CFAP58: variants seen among roughly 807,000 people sequenced by gnomAD.
The protein encoded by CFAP58 is cilia and flagella associated protein 58.
Under a neutral mutation model 119.5 loss-of-function variants are expected in CFAP58, and 88 were observed. The observed-to-expected ratio is 0.74, with a 90% CI of 0.62 to 0.88. The LOEUF is 0.88. Among genes scored for constraint, CFAP58 ranks in the 40% least tolerant of loss-of-function variants. The probability of loss-of-function intolerance (pLI) is 0.00; values close to 1 mark genes in which losing one functional copy is unlikely to be tolerated. For missense variants in CFAP58, 990 were observed against 1,021.2 expected (o/e 0.97, Z 0.42); for synonymous variants, 365 against 366.3 (o/e 1.00, Z 0.04).
intron 11 of CFAP58, among the ~76,000 whole-genome samples, chr10:104,398,478 CACAA>C (rs1318440776): frequency 6.6e-6 from 1 of 152,154 alleles, no homozygotes. Flanking sequence ...TATGGTAGGT[CACAA>C]ACAAACTTGT....
intron 13 of CFAP58, among the ~76,000 whole-genome samples, chr10:104,402,751 G>A (rs2133045507): frequency 6.6e-6 from 1 of 152,268 alleles, no homozygotes; most frequent in African/African-American, 2.4e-5. Context: ...TTCTAACTTG[G>A]ATTTCTCAAT....
At chr10:104,449,344 T>C (rs2013158791) in intron 16 of CFAP58, among the ~76,000 whole-genome samples, 1 of 152,186 alleles carries the variant, frequency 6.6e-6, no homozygotes, top group African/African-American at 2.4e-5. Flanking sequence ...ATCCAGCCTA[T>C]TGCATGCCTG....
chr10:104,392,781 A>G (rs548448322), intron 10 of CFAP58, among the ~76,000 whole-genome samples: 1 of 152,024 alleles, frequency 6.6e-6, no homozygotes, highest in Non-Finnish European at 1.5e-5. Flanking sequence ...CTGGGATTAC[A>G]GGCGCATGCC....
At position 104,400,841 on chromosome 10, in the gene CFAP58, C is replaced by G. The variant is rs1471232357; in HGVS notation, c.1977C>G (p.Ile659Met). The G allele has an allele frequency of 3.1e-6, 5 of 1,614,000 alleles. No homozygotes were observed. Among genetic ancestry groups the G allele is most frequent in the Non-Finnish European group, 4.2e-6 (5 of 1,180,036 alleles). ...ACATGAGAATCCTCAGACTTGAGATCAAGAAGCTTCGCCGGGAAAAGGGGA... is the reference window on the plus strand; with the variant it reads ...ACATGAGAATCCTCAGACTTGAGATGAAGAAGCTTCGCCGGGAAAAGGGGA... ...LEDMRILRLE[I>M]KKLRREKGIL... The change falls in exon 13 of 18, where the codon ATC becomes ATG. Residue 659 changes from isoleucine (I) to methionine (M), a missense_variant. Physicochemically the swap from Ile to Met is conservative, Grantham distance 10 (BLOSUM62 1). Coordinates refer to ENST00000369704, the MANE Select transcript of CFAP58 (RefSeq NM_001008723.2).
rs776037768 is a variant in CFAP58, at chr10:104,368,495, G to A, written c.865G>A (p.Glu289Lys). ...AAATGCTAAACTTCAGCAAGAGAAT[G>A]AACAGCACAGTTTGGTCTGTGAGCA... is the stretch of plus-strand genomic sequence containing the variant. Reference protein sequence around the residue: ...MRNAKLQQENEQHSLVCEQLS... With the variant: ...MRNAKLQQENKQHSLVCEQLS... The change falls in exon 6 of 18, where the codon GAA (glutamate) becomes AAA (lysine). Residue 289 changes from glutamate to lysine, a missense_variant. By Grantham distance (56) the Glu-to-Lys change is moderately conservative (BLOSUM62 1). Transcript: ENST00000369704. 2.5e-6 allele frequency: 4 copies of A among 1,614,038 alleles called. No individual in the cohort carries two copies. The Admixed American group carries it at 6.7e-5, about 27-fold the overall frequency.
chr10:104,453,533 C>A (rs1412407939), intron 17 of CFAP58, among the ~76,000 whole-genome samples: 1 of 152,160 alleles, frequency 6.6e-6, no homozygotes. Context: ...CTACCCTACT[C>A]CACATCCCCA....
At chr10:104,394,047 G>A (rs1435056266) in intron 11 of CFAP58, among the ~76,000 whole-genome samples, 1 of 152,126 alleles carries the variant, frequency 6.6e-6, no homozygotes, top group Non-Finnish European at 1.5e-5. Context: ...TGCTCTTCCA[G>A]GGATCATCTC....
At chr10:104,421,118 C>T (rs1352897690) in intron 15 of CFAP58, among the ~76,000 whole-genome samples, 7 of 151,996 alleles carry the variant, frequency 4.6e-5, no homozygotes, top group South Asian at 2.1e-4. Context: ...GTCAGAAGTC[C>T]ACGAAATAGC....
At chr10:104,443,714 C>A (rs1311643387) in intron 15 of CFAP58, among the ~76,000 whole-genome samples, 2 of 152,162 alleles carry the variant, frequency 1.3e-5, no homozygotes, top group Non-Finnish European at 2.9e-5. Context: ...GAAAGGAGTT[C>A]TGTGAGAAAC....
At chr10:104,445,241 T>A (rs2013095288) in intron 15 of CFAP58, among the ~76,000 whole-genome samples, 1 of 151,086 alleles carries the variant, frequency 6.6e-6, no homozygotes, top group Non-Finnish European at 1.5e-5. Flanking sequence ...GAAGATTGCT[T>A]GAGTCCAGGA....
upstream of CFAP58, among the ~76,000 whole-genome samples, chr10:104,350,285 G>C (rs182348371): frequency 3.9e-5 from 6 of 152,282 alleles, no homozygotes; most frequent in East Asian, 1.2e-3. Flanking sequence ...GTCTAAATTA[G>C]GGGCTGACGC....
chr10:104,361,141 A>G (rs1295331026), intron 2 of CFAP58, among the ~76,000 whole-genome samples: 1 of 152,230 alleles, frequency 6.6e-6, no homozygotes, highest in Non-Finnish European at 1.5e-5. Flanking sequence ...AAATTATGTC[A>G]TGTTGCAAAA....
At chr10:104,424,697 G>T (rs1451021218) in intron 15 of CFAP58, among the ~76,000 whole-genome samples, 2 of 152,226 alleles carry the variant, frequency 1.3e-5, no homozygotes, top group South Asian at 4.1e-4. Context: ...ACCTAAACAC[G>T]ACATTCTGGA....
Position 104,400,739 on chromosome 10 carries a change from T to G in CFAP58, c.1875T>G (p.Ala625=), listed in dbSNP as rs779876663. The G allele has an allele frequency of 6.2e-7, 1 of 1,614,120 alleles. No individual in the cohort carries two copies. The highest frequency in any genetic ancestry group is 1.7e-5 in the Admixed American group (1 of 60,020). ...TTGTTCGGCGCAATGATGAGTTAGCTTTGCTCTATGAGAAGATCAAGATCC... is the reference window on the plus strand; with the variant it reads ...TTGTTCGGCGCAATGATGAGTTAGCGTTGCTCTATGAGAAGATCAAGATCC... The part of the protein sequence containing the change: ...SQLVRRNDEL[A]LLYEKIKIQQ... The change falls in exon 13 of 18, where the codon GCT becomes GCG. Residue 625 remains alanine, a synonymous_variant. Coordinates refer to ENST00000369704, the MANE Select transcript of CFAP58 (RefSeq NM_001008723.2).
intron 15 of CFAP58, among the ~76,000 whole-genome samples, chr10:104,436,630 G>A (rs1046383003): frequency 2.0e-5 from 3 of 152,114 alleles, no homozygotes; most frequent in African/African-American, 7.2e-5. Context: ...TGCAAGGACA[G>A]CACCAAGCCA....
Position 104,380,129 on chromosome 10 carries a change from A to G in CFAP58, c.1274A>G (p.Lys425Arg), listed in dbSNP as rs746612427. 8.1e-6 allele frequency: 13 copies of G among 1,614,036 alleles called. No homozygotes were observed. The highest frequency in any genetic ancestry group is 6.7e-5 in the African/African-American group (5 of 74,934). Residue 425 changes from lysine to arginine, a missense_variant, in exon 9 of 18, where the codon AAG becomes AGG. Physicochemically the swap from Lys to Arg is conservative, Grantham distance 26. Coordinates refer to ENST00000369704, the MANE Select transcript of CFAP58 (RefSeq NM_001008723.2). ...RNLEGEIQNY[K>R]DEAQKQRKII... is the part of the protein sequence containing the mutation. ...CTGGAGGGAGAAATCCAGAACTACA[A>G]GGATGAGGCTCAGAAGCAGAGAAAG...
chr10:104,340,169 G>A, the CFAP58 span, among the ~76,000 whole-genome samples: 1 of 152,114 alleles, frequency 6.6e-6, no homozygotes, highest in East Asian at 1.9e-4. Context: ...CTTCTACCTG[G>A]CTTGTAAGTC....
chr10:104,448,266 G>T (rs1403328655), intron 16 of CFAP58, among the ~76,000 whole-genome samples: 2 of 152,198 alleles, frequency 1.3e-5, no homozygotes, highest in Non-Finnish European at 2.9e-5. Flanking sequence ...TCCAGCCACT[G>T]CCCAGCCCTG....
rs374672258 is a variant in CFAP58 at position 104,404,364 on chromosome 10, A to G, written c.2151+524A>G. On this transcript the variant is annotated intron_variant, in intron 14 of 17. Transcript: ENST00000369704. Reference sequence around the variant, plus strand: ...CCCATTGGTAGGGGATGGATAATCAACTTCATATTTAATTTAATTCTATGA... The same window carrying G: ...CCCATTGGTAGGGGATGGATAATCAGCTTCATATTTAATTTAATTCTATGA... Among the ~76,000 whole-genome samples the G allele has an allele frequency of 1.6e-4, 24 of 152,308 alleles. No individual in the cohort carries two copies. In the East Asian group the frequency reaches 4.1e-3, roughly 26 times the overall value.
Sources: allele counts gnomAD v4.1 joint callset (sites outside exome capture counted in the v4.1 genomes callset), GRCh38; gene constraint gnomAD v4.1.1; transcripts MANE v1.5; gene names NCBI Gene and HGNC (gene_info 2026-07-23, HGNC 2026-07-21).